The following SPACA6 variants were observed in gnomAD, a reference collection of about 807,000 sequenced individuals.
SPACA6 encodes sperm acrosome associated 6.
For missense variants in SPACA6, 8 were observed against 2.8 expected (o/e 2.88, Z -1.34); for synonymous variants, 6 against 1.5 (o/e 4.05, Z -2.21).
At chr19:51,694,007 A>G (rs926940248) in intron 1 of SPACA6, 1 of 308,842 alleles carries the variant, frequency 3.2e-6, no homozygotes. Flanking sequence ...TCAGAGAGAG[A>G]GGAAGATGGA....
chr19:51,696,498 A>AT (rs1433075825), intron 2 of SPACA6, among the ~76,000 whole-genome samples: 1 of 152,046 alleles, frequency 6.6e-6, no homozygotes, highest in African/African-American at 2.4e-5. Context: ...CCCAGGCTGG[A>AT]TTGCAGTGAT....
chr19:51,686,833 G>A (rs956500997), upstream of SPACA6: 1 of 152,132 alleles, frequency 6.6e-6, no homozygotes, highest in Non-Finnish European at 1.5e-5. Context: ...ACTCATCCCA[G>A]GAACTGGCTC....
chr19:51,709,284 G>A (rs188365135), downstream of SPACA6, among the ~76,000 whole-genome samples: 6 of 150,938 alleles, frequency 4.0e-5, no homozygotes, highest in East Asian at 3.9e-4. Flanking sequence ...TTGGGAAGCC[G>A]AGGCAGGCAG....
upstream of SPACA6, among the ~76,000 whole-genome samples, chr19:51,691,163 GGCTCGA>G (rs1261706986): frequency 2.0e-5 from 3 of 151,078 alleles, no homozygotes; most frequent in Non-Finnish European, 3.0e-5. Context: ...CTCCAGACCT[GGCTCGA>G]GCTGCGAGGG....
At chr19:51,709,531 C>CAAAAAAAAAAAAAAAAAAA (rs56170768), downstream of SPACA6, among the ~76,000 whole-genome samples, 2 of 54,466 alleles carry the variant, frequency 3.7e-5, no homozygotes, top group Non-Finnish European at 6.7e-5. Flanking sequence ...AAAAAAAAGG[C>CAAAAAAAAAAAAAAAAAAA]AAAAAAAAAA....
chr19:51,706,917 C>T (rs1025004539), downstream of SPACA6, among the ~76,000 whole-genome samples: 1 of 152,172 alleles, frequency 6.6e-6, no homozygotes, highest in East Asian at 1.9e-4. Flanking sequence ...TCTCAGCCTC[C>T]CAAAGTGCTA....
upstream of SPACA6, among the ~76,000 whole-genome samples, chr19:51,691,239 AG>A (rs2083369554): frequency 6.7e-6 from 1 of 150,244 alleles, no homozygotes; most frequent in South Asian, 2.1e-4. Flanking sequence ...CAAAGAGAGA[AG>A]GGGGAGGGGA....
rs946245640 is a variant in SPACA6, at chr19:51,703,365, A to T, written c.573+28A>T. 1.2e-4 allele frequency: 49 copies of T among 398,876 alleles called. No individual in the cohort carries two copies. The highest frequency in any genetic ancestry group is 6.2e-4 in the Middle Eastern group (1 of 1,610). 24.7% of individuals were successfully genotyped at this position (398,876 alleles called of 1,614,324 possible). ...GAGTCGGGGCGGGGCCGGCGCGAAGAGTTTAGACGGGCGAGTTAGCCTTCA... is the reference window on the plus strand; with the variant it reads ...GAGTCGGGGCGGGGCCGGCGCGAAGTGTTTAGACGGGCGAGTTAGCCTTCA... On this transcript the variant is annotated intron_variant, in intron 6 of 8. Coordinates refer to ENST00000637797, the MANE Select transcript of SPACA6 (RefSeq NM_001316972.2). The surrounding 1 kb of genome is among the most constrained non-coding windows in gnomAD (Gnocchi z 4.2).
At chr19:51,690,350 CGCG>C (rs1433416571), upstream of SPACA6, among the ~76,000 whole-genome samples, 1 of 152,110 alleles carries the variant, frequency 6.6e-6, no homozygotes, top group Non-Finnish European at 1.5e-5. Flanking sequence ...TCCCAAGGAG[CGCG>C]GCCCCCAACC....
exon 3 of SPACA6, chr19:51,712,043 A>C (rs7252496): frequency 0.17 from 26,014 of 152,174 alleles, 2,381 homozygotes; most frequent in South Asian, 0.29. Context: ...ATGGAGTCTC[A>C]TTCTGTCACC....
Position 51,704,052 on chromosome 19 carries a change from A to G in SPACA6, c.596A>G (p.Tyr199Cys), listed in dbSNP as rs2083492529. Reference sequence around the variant, plus strand: ...CAGCTCCGGACTCAGGACTTGTCCTATTTCCGAGATATGCCGCGGGCCGAA... The same window carrying G: ...CAGCTCCGGACTCAGGACTTGTCCTGTTTCCGAGATATGCCGCGGGCCGAA... ...GGGLRTQDLSYFRDMPRAEGY... is the reference protein window; with the variant it reads ...GGGLRTQDLSCFRDMPRAEGY... The change falls in exon 7 of 9, where the codon TAT (tyrosine) becomes TGT (cysteine). Residue 199 changes from tyrosine to cysteine, a missense_variant. Tyr to Cys is a radical substitution (Grantham distance 194). Transcript: ENST00000637797. 4 of 400,978 alleles carry G rather than the reference A, an allele frequency of 1.0e-5. No individual in the cohort carries two copies. Among genetic ancestry groups the G allele is most frequent in the Non-Finnish European group, 8.8e-6 (2 of 226,206 alleles). 24.8% of individuals were successfully genotyped at this position (400,978 alleles called of 1,614,324 possible).
At chr19:51,691,457 C>T (rs1473276953), upstream of SPACA6, among the ~76,000 whole-genome samples, 1 of 128,778 alleles carries the variant, frequency 7.8e-6, no homozygotes, top group African/African-American at 3.1e-5. Context: ...ATGAGAGAGA[C>T]AAAGAGGGGG....
At chr19:51,708,938 C>T (rs976321567), downstream of SPACA6, among the ~76,000 whole-genome samples, 3 of 151,696 alleles carry the variant, frequency 2.0e-5, no homozygotes, top group Non-Finnish European at 4.4e-5. Flanking sequence ...CATGGGAGGA[C>T]AGCCGGGAGG....
chr19:51,707,595 C>T (rs765287849), downstream of SPACA6, among the ~76,000 whole-genome samples: 3 of 152,144 alleles, frequency 2.0e-5, no homozygotes, highest in Admixed American at 6.5e-5. Context: ...CCCATACCAA[C>T]CAGTTCTCCA....
Position 51,705,116 on chromosome 19 carries a change from G to A in SPACA6, c.968G>A (p.Gly323Asp), listed in dbSNP as rs2083508562. The A allele has an allele frequency of 2.5e-6, 1 of 401,128 alleles. No homozygotes were observed. Among genetic ancestry groups the A allele is most frequent in the South Asian group, 1.3e-4 (1 of 7,944 alleles). The allele number at this position is 401,128 out of a possible 1,614,324, so 24.8% of individuals were successfully genotyped here. A position where few individuals can be genotyped will look rare whatever the true frequency, so the allele number is the denominator to read the frequency against. ...ATGTTCTTTCGATGGTACTGCAGTGGCAACTAACAAAGGTATCTTTCCTCC... is the reference window on the plus strand; with the variant it reads ...ATGTTCTTTCGATGGTACTGCAGTGACAACTAACAAAGGTATCTTTCCTCC... The part of the protein sequence containing the change: ...AWMFFRWYCS[G>D]N Residue 323 changes from glycine (G) to aspartate (D), a missense_variant, in exon 9 of 9, where the codon GGC becomes GAC. By Grantham distance (94) the Gly-to-Asp change is moderately conservative (BLOSUM62 -1). Transcript: ENST00000637797.
the SPACA6 span, among the ~76,000 whole-genome samples, chr19:51,683,661 A>G: frequency 6.6e-6 from 1 of 152,238 alleles, no homozygotes; most frequent in Non-Finnish European, 1.5e-5. Context: ...CTCTGTATTA[A>G]TTTGTAGGCA....
At chr19:51,706,587 C>T (rs1368151742), downstream of SPACA6, among the ~76,000 whole-genome samples, 1 of 152,152 alleles carries the variant, frequency 6.6e-6, no homozygotes, top group Non-Finnish European at 1.5e-5. Flanking sequence ...CAAATGTCTC[C>T]TTCTCTAACT....
downstream of SPACA6, among the ~76,000 whole-genome samples, chr19:51,706,865 G>A (rs1187029595): frequency 6.6e-6 from 1 of 152,102 alleles, no homozygotes; most frequent in African/African-American, 2.4e-5. Context: ...CGCCATTTTG[G>A]CCAGGCTGAT....
rs925495268 is a variant in SPACA6, at chr19:51,703,849, G to A, written c.574-181G>A. On this transcript the variant is annotated intron_variant, in intron 6 of 8. Transcript: ENST00000637797. This position sits in a 1 kb window ranked among gnomAD's most constrained non-coding sequence, Gnocchi z 4.2. ...AGCAGTTTCTAGGGGTAGGTTATGCGTAAGGGTTTAAGGAGTGAGGGGAAG... is the reference window on the plus strand; with the variant it reads ...AGCAGTTTCTAGGGGTAGGTTATGCATAAGGGTTTAAGGAGTGAGGGGAAG... The A allele has an allele frequency of 5.3e-5, 21 of 396,158 alleles. No homozygotes were observed. Among genetic ancestry groups the A allele is most frequent in the Non-Finnish European group, 8.0e-5 (18 of 225,140 alleles). 24.5% of individuals were successfully genotyped at this position (396,158 alleles called of 1,614,324 possible).
Sources: gnomAD v4.1 joint callset for allele counts (sites outside exome capture counted in the v4.1 genomes callset) on GRCh38, gnomAD v4.1.1 for gene constraint, Gnocchi (gnomAD v3.1) non-coding constraint, MANE v1.5 for transcripts, NCBI Gene and HGNC (gene_info 2026-07-23, HGNC 2026-07-21) for gene names.